ABTB2: variants seen among roughly 807,000 people sequenced by gnomAD.
The protein encoded by ABTB2 is ankyrin repeat and BTB/POZ domain-containing protein 2.
A neutral mutation model predicts 104.1 loss-of-function variants in ABTB2; 56 were observed. The observed-to-expected ratio is 0.54, with a 90% confidence interval of 0.43 to 0.67. The LOEUF (loss-of-function observed/expected upper bound fraction) is 0.67. ABTB2 is among the 30% of genes least tolerant of loss of function. The probability of loss-of-function intolerance (pLI) is 0.00; values close to 1 mark genes in which losing one functional copy is unlikely to be tolerated. For synonymous variants in ABTB2, 606 were observed against 608.2 expected (o/e 1.00, Z 0.05); for missense variants, 1,279 against 1,407.7 (o/e 0.91, Z 1.46).
At chr11:34,167,238 G>A in intron 7 of ABTB2, 21 bp downstream of exon 7, 2 of 1,590,844 alleles carry the variant, frequency 1.3e-6, no homozygotes, top group South Asian at 2.3e-5. Flanking sequence ...GGGGCATGGT[G>A]TTCACCTGGC....
chr11:34,192,982 C>G (rs971804751), intron 3 of ABTB2, among the ~76,000 whole-genome samples: 2 of 152,234 alleles, frequency 1.3e-5, no homozygotes, highest in Non-Finnish European at 2.9e-5. Context: ...ATCCTTACTG[C>G]CCCAGACCTC....
At chr11:34,155,294 G>C (rs1431129727) in intron 14 of ABTB2, among the ~76,000 whole-genome samples, 1 of 152,234 alleles carries the variant, frequency 6.6e-6, no homozygotes, top group Non-Finnish European at 1.5e-5. Flanking sequence ...GTGGAGGTGA[G>C]TGCCCCATCT....
At chr11:34,200,566 A>G (rs893601829) in intron 2 of ABTB2, among the ~76,000 whole-genome samples, 1 of 152,216 alleles carries the variant, frequency 6.6e-6, no homozygotes, top group African/African-American at 2.4e-5. Context: ...CACTTATGGC[A>G]AAGAAAGCGG....
chr11:34,183,490 T>G (rs1462695423), intron 3 of ABTB2, among the ~76,000 whole-genome samples: 1 of 152,188 alleles, frequency 6.6e-6, no homozygotes, highest in Non-Finnish European at 1.5e-5. Context: ...CCAGAACATA[T>G]GGTCACCGTA....
intron 1 of ABTB2, among the ~76,000 whole-genome samples, chr11:34,295,300 TGGG>T (rs1854609188): frequency 1.3e-5 from 2 of 152,210 alleles, no homozygotes; most frequent in African/African-American, 4.8e-5. Context: ...CTAGAGGTCG[TGGG>T]ACCCTAACGT....
intron 1 of ABTB2, among the ~76,000 whole-genome samples, chr11:34,276,724 C>T (rs1854385998): frequency 6.6e-6 from 1 of 152,138 alleles, no homozygotes; most frequent in Admixed American, 6.5e-5. Context: ...GAGGGATGGA[C>T]GACTGGAGCA....
chr11:34,259,438 G>A (rs1854162495), intron 1 of ABTB2, among the ~76,000 whole-genome samples: 1 of 152,196 alleles, frequency 6.6e-6, no homozygotes, highest in East Asian at 1.9e-4. Context: ...ACAGAAACTT[G>A]CAAACGATGA....
At chr11:34,195,612 G>T (rs1335418900) in intron 3 of ABTB2, among the ~76,000 whole-genome samples, 1 of 152,218 alleles carries the variant, frequency 6.6e-6, no homozygotes, top group East Asian at 1.9e-4. Context: ...CTTAGTGACA[G>T]GAGGTACAGT....
rs76509201 is a variant in ABTB2, at chr11:34,195,170, C to G, written c.1244+2155G>C. On this transcript the variant is annotated intron_variant, in intron 3 of 16. Coordinates refer to ENST00000435224, the MANE Select transcript of ABTB2 (RefSeq NM_145804.3). ...CAGCCTGAGGGCCCAGCAGCCAGGG[C>G]AACAGGCCTGAAGAAGGCGCCTGTC... 2.0e-5 allele frequency among the ~76,000 whole-genome samples: 3 copies of G among 151,808 alleles called. No homozygotes were observed. In the East Asian group the frequency reaches 5.8e-4, roughly 30 times the overall value.
At chr11:34,324,501 A>C (rs1169520883) in intron 1 of ABTB2, among the ~76,000 whole-genome samples, 1 of 152,216 alleles carries the variant, frequency 6.6e-6, no homozygotes, top group Non-Finnish European at 1.5e-5. Context: ...GCTGTTAAAA[A>C]AACAGGTGCC....
chr11:34,198,829 G>A (rs929067963), intron 2 of ABTB2, among the ~76,000 whole-genome samples: 2 of 152,192 alleles, frequency 1.3e-5, no homozygotes, highest in East Asian at 1.9e-4. Flanking sequence ...AGGCACCTCC[G>A]CTCTAAGAAA....
Position 34,356,966 on chromosome 11 carries a change from T to G in ABTB2, c.618A>C (p.Ser206=). 1 of 1,596,026 alleles carries G rather than the reference T, an allele frequency of 6.3e-7. No homozygotes were observed. Among genetic ancestry groups the G allele is most frequent in the Middle Eastern group, 1.7e-4 (1 of 6,040 alleles). The change falls in exon 1 of 17, where the codon TCA becomes TCC. Residue 206 remains serine (S), a synonymous_variant. Coordinates refer to ENST00000435224, the MANE Select transcript of ABTB2 (RefSeq NM_145804.3). This position sits in a 1 kb window ranked among gnomAD's most constrained non-coding sequence, Gnocchi z 4.6. ...GKSARCGLTF[S]VGRFFRWMVD... The stretch of plus-strand genomic sequence containing the variant: ...CCATCCAGCGGAAAAAGCGACCCAC[T>G]GAGAAGGTGAGGCCGCAGCGCGCGG...
chr11:34,325,690 C>T (rs747655249), intron 1 of ABTB2, among the ~76,000 whole-genome samples: 1 of 152,122 alleles, frequency 6.6e-6, no homozygotes, highest in African/African-American at 2.4e-5. Context: ...GTGACTCACG[C>T]CTGCAATCCC....
At chr11:34,193,178 C>T (rs930431450) in intron 3 of ABTB2, among the ~76,000 whole-genome samples, 2 of 152,254 alleles carry the variant, frequency 1.3e-5, no homozygotes, top group African/African-American at 4.8e-5. Context: ...GGATCCCTGA[C>T]AAGAGGCTCT....
intron 10 of ABTB2, 85 bp from the exon 11 acceptor site, chr11:34,161,166 T>C (rs1736603350): frequency 7.4e-7 from 1 of 1,352,214 alleles, no homozygotes; most frequent in East Asian, 2.6e-5. Flanking sequence ...GGGCAGACTC[T>C]CTCGGGATGC....
chr11:34,190,936 T>TAA (rs1265117571), intron 3 of ABTB2, among the ~76,000 whole-genome samples: 1 of 152,234 alleles, frequency 6.6e-6, no homozygotes, highest in Non-Finnish European at 1.5e-5. Context: ...CTAAGTGCTT[T>TAA]ACTGTATTAT....
intron 1 of ABTB2, among the ~76,000 whole-genome samples, chr11:34,225,263 G>T (rs549617953): frequency 1.3e-5 from 2 of 152,324 alleles, no homozygotes; most frequent in South Asian, 4.1e-4. Context: ...GGGCTTGTCA[G>T]CCTGGTCTCC....
chr11:34,333,599 TAAAC>T (rs1855157190), intron 1 of ABTB2, among the ~76,000 whole-genome samples: 1 of 151,948 alleles, frequency 6.6e-6, no homozygotes, highest in Non-Finnish European at 1.5e-5. Context: ...CTACTTAAAA[TAAAC>T]AAATTAGCTG....
At chr11:34,226,224 AAAAG>A (rs1314180662) in intron 1 of ABTB2, among the ~76,000 whole-genome samples, 7 of 151,104 alleles carry the variant, frequency 4.6e-5, no homozygotes, top group Admixed American at 2.6e-4. Flanking sequence ...AAAAAAAAAA[AAAAG>A]AAGCCACTAC....
Sources: gnomAD v4.1 joint callset for allele counts (sites outside exome capture counted in the v4.1 genomes callset) on GRCh38, gnomAD v4.1.1 for gene constraint, Gnocchi (gnomAD v3.1) non-coding constraint, MANE v1.5 for transcripts, NCBI Gene and HGNC (gene_info 2026-07-23, HGNC 2026-07-21) for gene names.